MIB1: variants seen among roughly 807,000 people sequenced by gnomAD.
MIB1 encodes the protein MIB E3 ubiquitin protein ligase 1.
A neutral mutation model predicts 124.5 loss-of-function variants in MIB1; 278 were observed. The ratio of observed to expected loss-of-function variants is 2.23; its 90% CI spans 2.02 to 2.47. The LOEUF is 2.47. Ranked by LOEUF, MIB1 falls within the 30% of genes most tolerant of loss-of-function variation. MIB1 has a pLI of 0.00. For missense variants in MIB1, 957 were observed against 1,254.4 expected, an observed-to-expected ratio of 0.76 and a Z score of 3.58; for synonymous variants, 446 against 429.4, an observed-to-expected ratio of 1.04 and a Z score of -0.48.
At chr18:21,750,147 TG>T (rs2040958123) in intron 1 of MIB1, among the ~76,000 whole-genome samples, 1 of 151,922 alleles carries the variant, frequency 6.6e-6, no homozygotes, top group Non-Finnish European at 1.5e-5. Context: ...TTTATTTTTT[TG>T]AGGTGGAGTC....
intron 10 of MIB1, among the ~76,000 whole-genome samples, chr18:21,806,205 A>ATTT (rs1228812095): frequency 1.4e-5 from 2 of 138,184 alleles, no homozygotes; most frequent in South Asian, 4.6e-4. Flanking sequence ...GCCTGGCCAG[A>ATTT]TTTTTTTTTT....
chr18:21,790,475 A>G (rs2041489419), intron 6 of MIB1, among the ~76,000 whole-genome samples: 1 of 152,196 alleles, frequency 6.6e-6, no homozygotes, highest in African/African-American at 2.4e-5. Context: ...CCTATTTAAG[A>G]TAGGTCTGTA....
intron 1 of MIB1, among the ~76,000 whole-genome samples, chr18:21,757,331 T>C (rs2146395178): frequency 6.6e-6 from 1 of 150,594 alleles, no homozygotes; most frequent in South Asian, 2.1e-4. Context: ...ACATGCCTGT[T>C]ATCCCAGCTA....
intron 4 of MIB1, among the ~76,000 whole-genome samples, chr18:21,774,526 G>A (rs2041258567): frequency 6.6e-6 from 1 of 152,200 alleles, no homozygotes; most frequent in African/African-American, 2.4e-5. Flanking sequence ...GGGTCGGGGT[G>A]CAGAGCTTTC....
Position 21,741,944 on chromosome 18 carries a change from A to G in MIB1, c.229+132A>G, listed in dbSNP as rs1414578227. On this transcript the variant is annotated intron_variant, in intron 1 of 20. Transcript: ENST00000261537. This position sits in a 1 kb window ranked among gnomAD's most constrained non-coding sequence, Gnocchi z 5.4. ...CAGCGCCCGGCTGGAGCGAGCGGAA[A>G]GGCAAAGCGCCAAAGGAATTCTAGG... 2.1e-5 allele frequency: 16 copies of G among 779,406 alleles called. No individual in the cohort carries two copies. Among genetic ancestry groups the G allele is most frequent in the African/African-American group, 1.1e-4 (6 of 56,004 alleles). 48.3% of individuals were successfully genotyped at this position (779,406 alleles called of 1,614,324 possible). A position where few individuals can be genotyped will look rare whatever the true frequency, so the allele number is the denominator to read the frequency against.
At chr18:21,840,330 A>C (rs575656403) in intron 13 of MIB1, among the ~76,000 whole-genome samples, 46 of 152,138 alleles carry the variant, frequency 3.0e-4, no homozygotes, top group Non-Finnish European at 5.9e-4. Context: ...CTTTTTTTAT[A>C]GAAGTGCCAA....
At chr18:21,783,244 C>CTT (rs755510609) in intron 6 of MIB1, among the ~76,000 whole-genome samples, 2 of 143,170 alleles carry the variant, frequency 1.4e-5, no homozygotes. Context: ...CACTCTATGC[C>CTT]TTTTTTTTTT....
intron 1 of MIB1, among the ~76,000 whole-genome samples, chr18:21,757,221 G>A (rs2041042910): frequency 6.6e-6 from 1 of 151,754 alleles, no homozygotes; most frequent in South Asian, 2.1e-4. Flanking sequence ...GGAGGCTAAG[G>A]TGGGTGGATC....
chr18:21,825,590 GTAACAAGTTAT>G (rs1458728955), intron 12 of MIB1: 1 of 444,924 alleles, frequency 2.2e-6, no homozygotes. Flanking sequence ...AGAATTAACA[GTAACAAGTTAT>G]TTGATTATAA....
At chr18:21,788,419 C>G (rs762536104) in intron 6 of MIB1, among the ~76,000 whole-genome samples, 1 of 152,042 alleles carries the variant, frequency 6.6e-6, no homozygotes, top group East Asian at 1.9e-4. Context: ...AATCCAACAC[C>G]CTTTCGTGAT....
intron 20 of MIB1, among the ~76,000 whole-genome samples, chr18:21,859,292 G>T (rs1232923551): frequency 6.6e-6 from 1 of 151,884 alleles, no homozygotes; most frequent in African/African-American, 2.4e-5. Context: ...CTACTTGGAG[G>T]CTGAGGTGGG....
chr18:21,708,377 G>A (rs1471155258), intron 1 of MIB1, among the ~76,000 whole-genome samples: 1 of 152,148 alleles, frequency 6.6e-6, no homozygotes, highest in Non-Finnish European at 1.5e-5. Context: ...ATTTTGGCTG[G>A]GCATAGTGGC....
chr18:21,808,835 T>A (rs1226391639), intron 10 of MIB1, among the ~76,000 whole-genome samples: 1 of 152,044 alleles, frequency 6.6e-6, no homozygotes, highest in Non-Finnish European at 1.5e-5. Context: ...GAGATTTGGA[T>A]GGGAGATGAG....
At chr18:21,776,934 G>A (rs1270716863) in intron 4 of MIB1, among the ~76,000 whole-genome samples, 1 of 151,046 alleles carries the variant, frequency 6.6e-6, no homozygotes, top group South Asian at 2.1e-4. Context: ...CCGAGATCCC[G>A]CCACTGCACT....
intron 12 of MIB1, among the ~76,000 whole-genome samples, chr18:21,834,358 T>G (rs1054660994): frequency 6.6e-6 from 1 of 152,076 alleles, no homozygotes; most frequent in Admixed American, 6.6e-5. Context: ...GGGCTGTAGG[T>G]CTCTGTTCAA....
At chr18:21,814,055 G>A (rs1051553674) in intron 10 of MIB1, among the ~76,000 whole-genome samples, 1 of 152,124 alleles carries the variant, frequency 6.6e-6, no homozygotes, top group Non-Finnish European at 1.5e-5. Flanking sequence ...CGCAGTGCAG[G>A]CAGTTTTTCC....
intron 10 of MIB1, among the ~76,000 whole-genome samples, chr18:21,808,715 G>A (rs1480875283): frequency 2.0e-5 from 3 of 152,056 alleles, no homozygotes; most frequent in Non-Finnish European, 4.4e-5. Context: ...ATAGGTAAAG[G>A]CATCAAGGAC....
intron 1 of MIB1, among the ~76,000 whole-genome samples, chr18:21,745,896 G>T (rs1037148224): frequency 6.6e-6 from 1 of 151,858 alleles, no homozygotes; most frequent in African/African-American, 2.4e-5. Flanking sequence ...TGGTAGAGAC[G>T]GGGTTTCACC....
intron 1 of MIB1, among the ~76,000 whole-genome samples, chr18:21,755,034 C>A (rs756670752): frequency 2.7e-4 from 41 of 152,296 alleles, no homozygotes; most frequent in Non-Finnish European, 4.3e-4. Flanking sequence ...TAAAGGTCTG[C>A]ATCCTAGTTC....
Sources: gnomAD v4.1 joint callset for allele counts (sites outside exome capture counted in the v4.1 genomes callset) on GRCh38, gnomAD v4.1.1 for gene constraint, Gnocchi (gnomAD v3.1) non-coding constraint, MANE v1.5 for transcripts, NCBI Gene and HGNC (gene_info 2026-07-23, HGNC 2026-07-21) for gene names.